DCAF4: variants seen among roughly 807,000 people sequenced by gnomAD.
DCAF4 encodes the protein DDB1 and CUL4 associated factor 4.
In DCAF4, 37 loss-of-function variants were observed where a neutral mutation model predicts 60.9. The ratio of observed to expected loss-of-function variants is 0.61; its 90% CI spans 0.47 to 0.80. DCAF4 has a LOEUF of 0.80. DCAF4 is among the 30% of genes least tolerant of loss of function. The pLI is 0.00. For synonymous variants in DCAF4, 243 were observed against 254.8 expected (o/e 0.95, Z 0.44); for missense variants, 577 against 650.0 (o/e 0.89, Z 1.22).
rs1390957047 is a variant in DCAF4 at position 72,953,731 on chromosome 14, AAATATATAT to A, written c.809-431_809-423del. Among the ~76,000 whole-genome samples the A allele has an allele frequency of 6.3e-4, 23 of 36,566 alleles. 4 individuals are homozygous for A. The highest frequency in any genetic ancestry group is 1.6e-3 in the East Asian group (3 of 1,846). The allele number at this position is 36,566 out of a possible 152,430, so 24.0% of individuals were successfully genotyped here. A position where few individuals can be genotyped will look rare whatever the true frequency, so the allele number is the denominator to read the frequency against. ...TCTTAAAAAAAAAAAAAAAAAAAAA[AAATATATAT>A]ATATATATATATATATATATATAGT... On this transcript the variant is annotated intron_variant, in intron 9 of 13. Coordinates refer to ENST00000358377, the MANE Select transcript of DCAF4 (RefSeq NM_015604.4).
chr14:72,950,604 T>C (rs951588053), intron 8 of DCAF4, among the ~76,000 whole-genome samples: 2 of 152,088 alleles, frequency 1.3e-5, no homozygotes, highest in African/African-American at 4.8e-5. Context: ...ACCGCGTCAG[T>C]CAAAAGACAC....
chr14:72,937,410 C>CTTTTTTT lies in DCAF4; in HGVS notation c.-8-547_-8-541dup, dbSNP rs11288108. 4.2e-3 allele frequency among the ~76,000 whole-genome samples: 443 copies of CTTTTTTT among 105,584 alleles called. 6 individuals are homozygous for CTTTTTTT. The highest frequency in any genetic ancestry group is 6.1e-3 in the Non-Finnish European group (335 of 54,958). 69.3% of individuals were successfully genotyped at this position (105,584 alleles called of 152,430 possible). ...TTTCATGCCTGGCAATTTTTCTTTT[C>CTTTTTTT]TTTTTTTTTTTTTTTTTTTTGAGAT... On this transcript the variant is annotated intron_variant, in intron 1 of 13. Coordinates refer to ENST00000358377, the MANE Select transcript of DCAF4 (RefSeq NM_015604.4).
chr14:72,937,232 AGATG>A (rs1031591448), intron 1 of DCAF4, among the ~76,000 whole-genome samples: 11 of 806 alleles, frequency 0.014, no homozygotes, highest in African/African-American at 0.019. Context: ...GGGAACAGAT[AGATG>A]TCTGCAGTTC....
rs1367732786 is a variant in DCAF4 at position 72,956,420 on chromosome 14, T to C, written c.1214T>C (p.Val405Ala). The part of the protein sequence containing the change: ...KLWDLRTTKC[V>A]RQYEGHVNEY... ...TGGGACCTGAGGACCACGAAGTGCG[T>C]AAGGCAGTACGAAGGCCACGTGAAT... The change falls in exon 13 of 14, where the codon GTA becomes GCA. Residue 405 changes from valine (V) to alanine (A), a missense_variant. By Grantham distance (64) the Val-to-Ala change is moderately conservative. Coordinates refer to ENST00000358377, the MANE Select transcript of DCAF4 (RefSeq NM_015604.4). 1.9e-6 allele frequency: 3 copies of C among 1,613,286 alleles called. No homozygotes were observed. Among genetic ancestry groups the C allele is most frequent in the Non-Finnish European group, 2.5e-6 (3 of 1,179,650 alleles).
chr14:72,933,679 C>G (rs1436875038), intron 1 of DCAF4, among the ~76,000 whole-genome samples: 1 of 152,144 alleles, frequency 6.6e-6, no homozygotes, highest in Non-Finnish European at 1.5e-5. Context: ...GGCTCAATTT[C>G]TCTCTGTATT....
chr14:72,940,826 A>G (rs922738178), intron 4 of DCAF4, among the ~76,000 whole-genome samples: 4 of 151,782 alleles, frequency 2.6e-5, no homozygotes, highest in Non-Finnish European at 5.9e-5. Flanking sequence ...CCTGACTTCA[A>G]GTGATCTGCC....
At chr14:72,941,447 TG>T (rs1469375939) in intron 4 of DCAF4, among the ~76,000 whole-genome samples, 1 of 152,210 alleles carries the variant, frequency 6.6e-6, no homozygotes, top group Non-Finnish European at 1.5e-5. Flanking sequence ...CAGACCTGTT[TG>T]CAGTCCCATT....
In DCAF4 at chr14:72,953,332, G is replaced by A. The variant is rs369255127; in HGVS notation, c.809-832G>A. ...TTTTATTTCTTAACCTGGGTGGTGGGTACATGGCTATATTTAGTTTGTGAT... is the reference window on the plus strand; with the variant it reads ...TTTTATTTCTTAACCTGGGTGGTGGATACATGGCTATATTTAGTTTGTGAT... On this transcript the variant is annotated intron_variant, in intron 9 of 13. Transcript: ENST00000358377. Among the ~76,000 whole-genome samples, 46 of 152,084 alleles carry A rather than the reference G, an allele frequency of 3.0e-4. No individual in the cohort carries two copies. The South Asian group carries it at 6.6e-3, about 22-fold the overall frequency.
At chr14:72,949,039 TTGG>T (rs1203748815) in intron 8 of DCAF4, among the ~76,000 whole-genome samples, 1 of 152,224 alleles carries the variant, frequency 6.6e-6, no homozygotes, top group Non-Finnish European at 1.5e-5. Flanking sequence ...ATAAGTTTAT[TTGG>T]TGGTGGTGTT....
chr14:72,945,456 A>AT (rs995389400), intron 6 of DCAF4, among the ~76,000 whole-genome samples: 8 of 144,454 alleles, frequency 5.5e-5, no homozygotes, highest in Admixed American at 1.4e-4. Flanking sequence ...ATTCAATGCA[A>AT]TTTTTTTTTC....
intron 1 of DCAF4, among the ~76,000 whole-genome samples, chr14:72,936,683 A>G (rs546461041): frequency 6.6e-6 from 1 of 152,294 alleles, no homozygotes; most frequent in Admixed American, 6.5e-5. Context: ...TCATGAACTC[A>G]CTTTTGAACC....
chr14:72,939,586 T>C (rs1343809389), intron 2 of DCAF4, among the ~76,000 whole-genome samples: 1 of 152,196 alleles, frequency 6.6e-6, no homozygotes, highest in African/African-American at 2.4e-5. Context: ...CACTGTGACA[T>C]CTGTCCTCTT....
chr14:72,927,575 T>C (rs1887778972), intron 1 of DCAF4, among the ~76,000 whole-genome samples: 1 of 151,704 alleles, frequency 6.6e-6, no homozygotes, highest in Non-Finnish European at 1.5e-5. Context: ...ATGGTCTCGA[T>C]CTCCTGACCT....
chr14:72,954,799 C>G (rs1892055949), intron 11 of DCAF4, among the ~76,000 whole-genome samples: 1 of 152,096 alleles, frequency 6.6e-6, no homozygotes, highest in Non-Finnish European at 1.5e-5. Context: ...TCACAGCTCC[C>G]AGGTTATATA....
Position 72,959,090 on chromosome 14 carries a change from A to T in DCAF4, c.*285A>T. The T allele has an allele frequency of 9.1e-7, 1 of 1,103,974 alleles. No homozygotes were observed. Among genetic ancestry groups the T allele is most frequent in the Non-Finnish European group, 1.1e-6 (1 of 906,126 alleles). The allele number at this position is 1,103,974 out of a possible 1,614,324, so 68.4% of individuals were successfully genotyped here. A position where few individuals can be genotyped will look rare whatever the true frequency, so the allele number is the denominator to read the frequency against. ...TAGTTAACCCTCCCTGCCTTTTCTT[A>T]ACAAAAAGGACTTTTCTAAGGACTG... On this transcript the variant is annotated 3_prime_UTR_variant, in exon 14 of 14. Coordinates refer to ENST00000358377, the MANE Select transcript of DCAF4 (RefSeq NM_015604.4).
chr14:72,953,732 A>AAAAAAAAAAAATATATATATAT lies in DCAF4; in HGVS notation c.809-431_809-430insAAAAAAAAAATATATATATATA, dbSNP rs1555527852. Among the ~76,000 whole-genome samples the AAAAAAAAAAAATATATATATAT allele has an allele frequency of 1.4e-4, 3 of 21,778 alleles. 1 individual carries two copies. The highest frequency in any genetic ancestry group is 8.0e-4 in the Admixed American group (1 of 1,256). The allele number at this position is 21,778 out of a possible 152,430, so 14.3% of individuals were successfully genotyped here. A position where few individuals can be genotyped will look rare whatever the true frequency, so the allele number is the denominator to read the frequency against. ...CTTAAAAAAAAAAAAAAAAAAAAAA[A>AAAAAAAAAAAATATATATATAT]ATATATATATATATATATATATATA... is the stretch of plus-strand genomic sequence containing the variant. On this transcript the variant is annotated intron_variant, in intron 9 of 13. Transcript: ENST00000358377.
intron 13 of DCAF4, chr14:72,957,932 C>T (rs989958679): frequency 1.3e-5 from 2 of 152,942 alleles, no homozygotes; most frequent in Non-Finnish European, 2.9e-5. Flanking sequence ...AGCATTAAAC[C>T]AGAAAGAGCT....
chr14:72,939,324 AC>A (rs1889713378), intron 2 of DCAF4, among the ~76,000 whole-genome samples: 1 of 152,204 alleles, frequency 6.6e-6, no homozygotes, highest in Non-Finnish European at 1.5e-5. Flanking sequence ...GTGTTACTGA[AC>A]TAATCACCTC....
At chr14:72,951,152 T>C (rs1047614591) in intron 8 of DCAF4, among the ~76,000 whole-genome samples, 7 of 152,054 alleles carry the variant, frequency 4.6e-5, no homozygotes, top group African/African-American at 1.7e-4. Flanking sequence ...AGCTAGTTTT[T>C]GTATTTTTTG....
Sources: gnomAD v4.1 joint callset for allele counts (sites outside exome capture counted in the v4.1 genomes callset) on GRCh38, gnomAD v4.1.1 for gene constraint, MANE v1.5 for transcripts, NCBI Gene and HGNC (gene_info 2026-07-23, HGNC 2026-07-21) for gene names.